ABCA13: variants seen among roughly 807,000 people sequenced by gnomAD.
ABCA13 encodes the protein ATP binding cassette subfamily A member 13.
Under a neutral mutation model 478.7 loss-of-function variants are expected in ABCA13, and 476 were observed. That is an observed-to-expected ratio of 0.99 (90% CI 0.92 to 1.07). The LOEUF is 1.07. Among genes scored for constraint, ABCA13 ranks in the 50% least tolerant of loss-of-function variants. The probability of loss-of-function intolerance (pLI) is 0.00; values close to 1 mark genes in which losing one functional copy is unlikely to be tolerated. For synonymous variants in ABCA13, 2,252 were observed against 2,158.9 expected (o/e 1.04, Z -1.20); for missense variants, 6,060 against 5,910.6 (o/e 1.03, Z -0.83).
intron 40 of ABCA13, among the ~76,000 whole-genome samples, chr7:48,411,919 T>C (rs993550191): frequency 6.6e-6 from 1 of 152,220 alleles, no homozygotes; most frequent in Non-Finnish European, 1.5e-5. Context: ...AGCGTGAATG[T>C]CATTATCCCC....
At chr7:48,500,830 C>T (rs76409528) in intron 48 of ABCA13, among the ~76,000 whole-genome samples, 1,620 of 152,264 alleles carry the variant, frequency 0.011, 28 homozygotes, top group African/African-American at 0.037. Context: ...CCTTAGAAAG[C>T]TCCCCGACTT....
intron 47 of ABCA13, among the ~76,000 whole-genome samples, chr7:48,486,387 T>C (rs989076141): frequency 2.0e-5 from 3 of 152,214 alleles, no homozygotes; most frequent in Non-Finnish European, 4.4e-5. Context: ...TTTCCATCTT[T>C]GAAGTTAATA....
chr7:48,504,539 G>T (rs1831036811), intron 48 of ABCA13, among the ~76,000 whole-genome samples: 1 of 152,098 alleles, frequency 6.6e-6, no homozygotes, highest in Admixed American at 6.6e-5. Flanking sequence ...ATTTGCCCCA[G>T]GGTGTGTGTG....
At chr7:48,284,436 AGTACAAGTTAGGAT>A (rs1415971134) in intron 19 of ABCA13, among the ~76,000 whole-genome samples, 1 of 152,218 alleles carries the variant, frequency 6.6e-6, no homozygotes, top group Non-Finnish European at 1.5e-5. Flanking sequence ...TTACAATCTA[AGTACAAGTTAGGAT>A]GGTTGGTACA....
chr7:48,368,714 TACAC>T (rs1554475187), intron 32 of ABCA13, among the ~76,000 whole-genome samples: 1 of 118,560 alleles, frequency 8.4e-6, no homozygotes, highest in African/African-American at 3.0e-5. Flanking sequence ...TATATATATA[TACAC>T]ATACACACAC....
chr7:48,454,591 G>T (rs1563283669), intron 42 of ABCA13, among the ~76,000 whole-genome samples: 1 of 152,038 alleles, frequency 6.6e-6, no homozygotes, highest in Admixed American at 6.5e-5. Flanking sequence ...AGGAGCGGGG[G>T]CGGGGTGCAG....
intron 32 of ABCA13, among the ~76,000 whole-genome samples, chr7:48,368,690 T>TATAC (rs1491069434): frequency 1.8e-4 from 7 of 39,240 alleles, no homozygotes; most frequent in African/African-American, 7.2e-4. Flanking sequence ...TGTATGTGTA[T>TATAC]ATATATATAT....
chr7:48,261,898 C>T (rs1231216826), intron 15 of ABCA13, among the ~76,000 whole-genome samples: 3 of 151,820 alleles, frequency 2.0e-5, no homozygotes. Flanking sequence ...AAGGGGGTGG[C>T]TTGTAAAGTG....
chr7:48,276,119 T>A lies in ABCA13; in HGVS notation c.6453T>A (p.Asn2151Lys), dbSNP rs1211406638. 4 of 1,598,322 alleles carry A rather than the reference T, an allele frequency of 2.5e-6. No individual in the cohort carries two copies. The highest frequency in any genetic ancestry group is 3.4e-6 in the Non-Finnish European group (4 of 1,171,536). The change falls in exon 17 of 62, where the codon AAT becomes AAA. Residue 2151 changes from asparagine to lysine, a missense_variant. Asn to Lys is a moderately conservative substitution (Grantham distance 94). Transcript: ENST00000435803. ...AAACATTATTCATTCCTGTGACCAA[T>A]GAGAGTTCAACTGAAGATATAGCTT... is the stretch of plus-strand genomic sequence containing the variant. ...MIETLFIPVTNESSTEDIALL... is the reference protein window; with the variant it reads ...MIETLFIPVTKESSTEDIALL...
rs1259979927 is a variant in ABCA13 at position 48,274,648 on chromosome 7, A to G, written c.4982A>G (p.Lys1661Arg). Residue 1661 changes from lysine to arginine, a missense_variant, in exon 17 of 62, where the codon AAG (lysine) becomes AGG (arginine). Physicochemically the swap from Lys to Arg is conservative, Grantham distance 26. Transcript: ENST00000435803. ...AATGCAGGTTATATGCAAGCTTTGA[A>G]GAAGGTAACTTCTGTCATGCGTACC... ...PQNAGYMQAL[K>R]KVTSVMRTLK... 9 of 1,613,902 alleles carry G rather than the reference A, an allele frequency of 5.6e-6. No homozygotes were observed. Among genetic ancestry groups the G allele is most frequent in the African/African-American group, 1.3e-5 (1 of 74,942 alleles).
chr7:48,187,019 GTA>G (rs773804724), intron 1 of ABCA13, among the ~76,000 whole-genome samples: 131 of 145,024 alleles, frequency 9.0e-4, no homozygotes, highest in African/African-American at 2.3e-3. Flanking sequence ...ATGTGTGTGT[GTA>G]TATATATATA....
At position 48,275,469 on chromosome 7, in the gene ABCA13, A is replaced by G; in HGVS notation, c.5803A>G (p.Thr1935Ala). 6.2e-7 allele frequency: 1 copy of G among 1,613,906 alleles called. No homozygotes were observed. ...LPFVPPSINQ[T>A]RDSISELCPS... ...GTTTGTCCCACCTTCAATAAATCAA[A>G]CTAGGGATAGCATCTCTGAACTCTG... Residue 1935 changes from threonine (T) to alanine (A), a missense_variant, in exon 17 of 62, where the codon ACT becomes GCT. Around this residue, in one of 3 missense-constraint regions of ABCA13, gnomAD observed 4,423 missense variants for 4,309.1 expected, o/e 1.03. Coordinates refer to ENST00000435803, the MANE Select transcript of ABCA13 (RefSeq NM_152701.5).
rs949537811 is a variant in ABCA13, at chr7:48,288,024, G to C, written c.8901G>C (p.Arg2967Ser). The change falls in exon 20 of 62, where the codon AGG becomes AGC. Residue 2967 changes from arginine (R) to serine (S), a missense_variant. Physicochemically the swap from Arg to Ser is moderately radical, Grantham distance 110. This residue lies in a region of ABCA13 where 4,423 missense variants were observed against 4,309.1 expected (regional missense o/e 1.03). Transcript: ENST00000435803. ...ATLSCKQNGIRHLILSAIQGV... is the reference protein window; with the variant it reads ...ATLSCKQNGISHLILSAIQGV... ...TGAGTTGCAAGCAAAATGGGATAAG[G>C]CATCTCATTTTATCTGCTATACAAG... The C allele has an allele frequency of 1.2e-6, 2 of 1,613,960 alleles. No individual in the cohort carries two copies. Among genetic ancestry groups the C allele is most frequent in the East Asian group, 4.5e-5 (2 of 44,884 alleles).
intron 58 of ABCA13, among the ~76,000 whole-genome samples, chr7:48,607,017 GC>G (rs1162011555): frequency 2.0e-5 from 3 of 152,158 alleles, no homozygotes; most frequent in Non-Finnish European, 2.9e-5. Flanking sequence ...GGGTGAAACC[GC>G]GTACTGAAGC....
chr7:48,233,968 A>T (rs756100512), intron 7 of ABCA13, 50 bp from the exon 8 acceptor site: 1 of 1,603,418 alleles, frequency 6.2e-7, no homozygotes, highest in Non-Finnish European at 8.5e-7. Flanking sequence ...CATTAAACAT[A>T]TCAAAATATT....
chr7:48,433,770 T>C (rs1822468350), intron 42 of ABCA13, among the ~76,000 whole-genome samples: 1 of 151,884 alleles, frequency 6.6e-6, no homozygotes, highest in African/African-American at 2.4e-5. Flanking sequence ...TATCATACAG[T>C]ATTTGCCCTT....
At chr7:48,237,345 A>G (rs985982742) in intron 8 of ABCA13, among the ~76,000 whole-genome samples, 2 of 152,150 alleles carry the variant, frequency 1.3e-5, no homozygotes, top group Non-Finnish European at 2.9e-5. Flanking sequence ...GTGGCCTTTT[A>G]TTAGTCTTAC....
chr7:48,339,145 C>T (rs1806727861), intron 29 of ABCA13, among the ~76,000 whole-genome samples: 1 of 152,126 alleles, frequency 6.6e-6, no homozygotes, highest in African/African-American at 2.4e-5. Context: ...AGGTCCCTGG[C>T]TCCCTCACAC....
intron 24 of ABCA13, among the ~76,000 whole-genome samples, chr7:48,310,368 G>A (rs528516772): frequency 2.0e-5 from 3 of 152,254 alleles, no homozygotes; most frequent in African/African-American, 7.2e-5. Flanking sequence ...GGGGGTCCTT[G>A]GAAATAAGTG....
Sources: gnomAD v4.1 joint callset for allele counts (sites outside exome capture counted in the v4.1 genomes callset) on GRCh38, gnomAD v4.1.1 for gene constraint, gnomAD v4.1.1 regional missense constraint, MANE v1.5 for transcripts, NCBI Gene and HGNC (gene_info 2026-07-23, HGNC 2026-07-21) for gene names.